The following PCDHA5 variants were observed in gnomAD, a reference collection of about 807,000 sequenced individuals.
The protein encoded by PCDHA5 is protocadherin alpha 5, also known as protocadherin alpha-5.
A neutral mutation model predicts 61.6 loss-of-function variants in PCDHA5; 43 were observed. The observed-to-expected ratio is 0.70, with a 90% CI of 0.55 to 0.90. PCDHA5 has a LOEUF of 0.90. Among genes scored for constraint, PCDHA5 ranks in the 40% least tolerant of loss-of-function variants. The pLI is 0.00. For synonymous variants in PCDHA5, 627 were observed against 543.9 expected (o/e 1.15, Z -2.13); for missense variants, 1,298 against 1,222.7 (o/e 1.06, Z -0.92).
intron 1 of PCDHA5, among the ~76,000 whole-genome samples, chr5:140,874,875 C>T (rs1198638735): frequency 2.6e-5 from 4 of 152,134 alleles, no homozygotes; most frequent in African/African-American, 9.7e-5. Flanking sequence ...TTGTTAAATA[C>T]AAATTCCTAA....
At position 141,010,158 on chromosome 5, in the gene PCDHA5, GT is replaced by G. The variant is rs1563735803; in HGVS notation, c.*225del. 1.3e-6 allele frequency: 2 copies of G among 1,570,690 alleles called. No homozygotes were observed. The highest frequency in any genetic ancestry group is 1.7e-6 in the Non-Finnish European group (2 of 1,156,884). ...TAACTCTTTCTCTCCACTCTGGCTT[GT>G]TTTCAGAACCTAAAAAGCAGACCCA... On this transcript the variant is annotated 3_prime_UTR_variant, in exon 4 of 4. Coordinates refer to ENST00000529859, the MANE Select transcript of PCDHA5 (RefSeq NM_018908.3).
At chr5:140,988,414 T>C (rs1554250128) in intron 3 of PCDHA5, among the ~76,000 whole-genome samples, 1 of 152,194 alleles carries the variant, frequency 6.6e-6, no homozygotes. Flanking sequence ...GCAGCTTATG[T>C]AAAGAATTTG....
intron 1 of PCDHA5, chr5:140,883,017 C>G: frequency 6.2e-7 from 1 of 1,614,054 alleles, no homozygotes. Context: ...TATAAAGTGA[C>G]GGTGTTAGAG....
chr5:140,995,498 CTG>C (rs1554254703), intron 3 of PCDHA5, among the ~76,000 whole-genome samples: 5 of 152,150 alleles, frequency 3.3e-5, no homozygotes, highest in Non-Finnish European at 5.9e-5. Context: ...CTAAGGTTGA[CTG>C]TGGGTAACTG....
intron 1 of PCDHA5, among the ~76,000 whole-genome samples, chr5:140,895,783 A>G (rs750912902): frequency 2.1e-4 from 32 of 152,122 alleles, no homozygotes; most frequent in Non-Finnish European, 3.8e-4. Context: ...ATAGTATTCA[A>G]TGACGTATAT....
chr5:140,966,888 C>A, intron 1 of PCDHA5: 13 of 1,593,128 alleles, frequency 8.2e-6, no homozygotes, highest in Non-Finnish European at 1.1e-5. Context: ...GGCCCTGCGG[C>A]CTCCCAGCTG....
intron 1 of PCDHA5, among the ~76,000 whole-genome samples, chr5:140,874,530 G>A (rs1332198120): frequency 1.3e-5 from 2 of 152,200 alleles, no homozygotes; most frequent in Admixed American, 1.3e-4. Flanking sequence ...ATGAGATTAG[G>A]CTCCAAAACC....
chr5:140,836,027 C>T (rs2150251000), intron 1 of PCDHA5: 4 of 1,613,456 alleles, frequency 2.5e-6, no homozygotes, highest in East Asian at 4.5e-5. Flanking sequence ...TGGGCAGCAA[C>T]GTGACGCTGC....
chr5:140,887,052 G>A (rs1187906559), intron 1 of PCDHA5, among the ~76,000 whole-genome samples: 1 of 151,228 alleles, frequency 6.6e-6, no homozygotes, highest in Non-Finnish European at 1.5e-5. Flanking sequence ...TAGTGCATAT[G>A]TTCTGGCAAC....
chr5:141,002,218 A>T (rs782352324), intron 3 of PCDHA5, among the ~76,000 whole-genome samples: 124 of 152,272 alleles, frequency 8.1e-4, no homozygotes, highest in Admixed American at 3.6e-3. Context: ...AATCAAAATG[A>T]TGGGTTTTCT....
In PCDHA5 at chr5:140,823,899, C is replaced by A. The variant is rs2150130137; in HGVS notation, c.2124C>A (p.Ser708Arg). ...YLIIAICAVS[S>R]LLVLTLLLYT... is the part of the protein sequence containing the mutation. ...TCATCGCCATCTGTGCGGTGTCCAG[C>A]CTGCTGGTGCTCACGCTGCTGCTGT... Residue 708 changes from serine to arginine, a missense_variant, in exon 1 of 4, where the codon AGC (serine) becomes AGA (arginine). Physicochemically the swap from Ser to Arg is moderately radical, Grantham distance 110 (BLOSUM62 -1). Transcript: ENST00000529859. 15 of 1,613,858 alleles carry A rather than the reference C, an allele frequency of 9.3e-6. No individual in the cohort carries two copies. The African/African-American group carries it at 1.7e-4, about 19-fold the overall frequency.
rs190376919 is a variant in PCDHA5 at position 140,840,629 on chromosome 5, G to A, written c.2352+16502G>A. Among the ~76,000 whole-genome samples, 4 of 152,140 alleles carry A rather than the reference G, an allele frequency of 2.6e-5. No homozygotes were observed. The East Asian group carries it at 7.7e-4, about 29-fold the overall frequency. On this transcript the variant is annotated intron_variant, in intron 1 of 3. Coordinates refer to ENST00000529859, the MANE Select transcript of PCDHA5 (RefSeq NM_018908.3). ...GAGAGGCTGAATTTAACAAGCTATA[G>A]AGATATAGAGAAATAGTGTAAAGAA...
chr5:140,978,967 G>C lies in PCDHA5; in HGVS notation c.2371G>C (p.Asp791His), dbSNP rs782109224. 1.9e-6 allele frequency: 3 copies of C among 1,614,038 alleles called. No homozygotes were observed. The highest frequency in any genetic ancestry group is 1.1e-5 in the South Asian group (1 of 91,066). The stretch of plus-strand genomic sequence containing the variant: ...TTTGCAGCCACGACAGCCCAACCCT[G>C]ACTGGCGTTACTCTGCCTCCCTGAG... ...STDNPRQPNPDWRYSASLRAG... is the reference protein window; with the variant it reads ...STDNPRQPNPHWRYSASLRAG... The change falls in exon 2 of 4, where the codon GAC (aspartate) becomes CAC (histidine). Residue 791 changes from aspartate to histidine, a missense_variant. Asp to His is a moderately conservative substitution (Grantham distance 81). Coordinates refer to ENST00000529859, the MANE Select transcript of PCDHA5 (RefSeq NM_018908.3).
At chr5:140,862,877 G>T in intron 1 of PCDHA5, 1 of 567,556 alleles carries the variant, frequency 1.8e-6, no homozygotes. Flanking sequence ...CCAGGTATTA[G>T]TGCTGGAACG....
At chr5:140,857,676 C>T (rs1178476676) in intron 1 of PCDHA5, 1 of 1,596,974 alleles carries the variant, frequency 6.3e-7, no homozygotes, top group Non-Finnish European at 8.6e-7. Context: ...GGCGTGCCGC[C>T]TCTGGGCAGC....
chr5:140,910,055 T>A (rs1554194090), intron 1 of PCDHA5, among the ~76,000 whole-genome samples: 1 of 152,218 alleles, frequency 6.6e-6, no homozygotes, highest in Non-Finnish European at 1.5e-5. Flanking sequence ...TAATAAGTGA[T>A]CTTTTAACAG....
In PCDHA5 at chr5:140,877,310, C is replaced by T. The variant is rs371801888; in HGVS notation, c.2352+53183C>T. ...GCTTGGCTGTCCTACGAGTTGCAACCGGCGGCGGTCGGCGCGCACATCCCG... is the reference window on the plus strand; with the variant it reads ...GCTTGGCTGTCCTACGAGTTGCAACTGGCGGCGGTCGGCGCGCACATCCCG... On this transcript the variant is annotated intron_variant, in intron 1 of 3. Transcript: ENST00000529859. 16 of 1,613,820 alleles carry T rather than the reference C, an allele frequency of 9.9e-6. No homozygotes were observed. In the African/African-American group the frequency reaches 1.9e-4, roughly 19 times the overall value.
chr5:141,009,868 G>C lies in PCDHA5; in HGVS notation c.2742G>C (p.Lys914Asn). 1 of 1,614,022 alleles carries C rather than the reference G, an allele frequency of 6.2e-7. No individual in the cohort carries two copies. Among genetic ancestry groups the C allele is most frequent in the Non-Finnish European group, 8.5e-7 (1 of 1,180,004 alleles). Residue 914 changes from lysine (K) to asparagine (N), a missense_variant, in exon 4 of 4, where the codon AAG becomes AAC. Transcript: ENST00000529859. ...AGGAGACCAAGAAAAAGAAGAAAAA[G>C]AAGAAGGGTAACAAGACCCAGGAGA... ...KKEETKKKKKKKKGNKTQEKK... is the reference protein window; with the variant it reads ...KKEETKKKKKNKKGNKTQEKK...
chr5:140,833,027 G>C (rs1455283039), intron 1 of PCDHA5, among the ~76,000 whole-genome samples: 3 of 152,186 alleles, frequency 2.0e-5, no homozygotes, highest in Non-Finnish European at 4.4e-5. Flanking sequence ...CCATAAGAGA[G>C]AGTGTGATAT....
Sources: gnomAD v4.1 joint callset for allele counts (sites outside exome capture counted in the v4.1 genomes callset) on GRCh38, gnomAD v4.1.1 for gene constraint, MANE v1.5 for transcripts, NCBI Gene and HGNC (gene_info 2026-07-23, HGNC 2026-07-21) for gene names.